The following GRIA1 variants were observed in gnomAD, a reference collection of about 807,000 sequenced individuals.
GRIA1 encodes the protein glutamate ionotropic receptor AMPA type subunit 1.
In GRIA1, 31 loss-of-function variants were observed where a neutral mutation model predicts 99.2. That is an observed-to-expected ratio of 0.31 (90% CI 0.23 to 0.42). The LOEUF (loss-of-function observed/expected upper bound fraction) is 0.42. GRIA1 is among the 10% of genes least tolerant of loss of function. The probability of loss-of-function intolerance (pLI) is 1.00; values close to 1 mark genes in which losing one functional copy is unlikely to be tolerated. For missense variants in GRIA1, 782 were observed against 1,157.5 expected (o/e 0.68, Z 4.71); for synonymous variants, 438 against 432.4 (o/e 1.01, Z -0.16).
At chr5:153,520,464 G>C (rs1757036617) in intron 2 of GRIA1, among the ~76,000 whole-genome samples, 2 of 152,134 alleles carry the variant, frequency 1.3e-5, no homozygotes, top group Non-Finnish European at 2.9e-5. Flanking sequence ...TAAGAAGAAA[G>C]GGGGATTTTG....
chr5:153,529,697 T>G (rs927642420), intron 2 of GRIA1, among the ~76,000 whole-genome samples: 2 of 152,164 alleles, frequency 1.3e-5, no homozygotes, highest in African/African-American at 2.4e-5. Context: ...TAGTAATGGT[T>G]ATAAACTCTG....
At chr5:153,657,552 G>A (rs57737622) in intron 5 of GRIA1, among the ~76,000 whole-genome samples, 2 of 152,162 alleles carry the variant, frequency 1.3e-5, no homozygotes, top group Non-Finnish European at 2.9e-5. Flanking sequence ...TTGAACAAAG[G>A]ATTAATATTT....
At chr5:153,661,563 T>C (rs1467118689) in intron 5 of GRIA1, among the ~76,000 whole-genome samples, 2 of 152,190 alleles carry the variant, frequency 1.3e-5, no homozygotes, top group African/African-American at 4.8e-5. Context: ...CCTGTTTATC[T>C]ACAAGCTCCT....
rs906427797 is a variant in GRIA1 at position 153,602,290 on chromosome 5, A to G, written c.221-44638A>G. The stretch of plus-strand genomic sequence containing the variant: ...TAAACTATCACAAGGACAAAAAACC[A>G]AACACTGCATGTTCTCACTCATAGG... On this transcript the variant is annotated intron_variant, in intron 2 of 15. Transcript: ENST00000285900. 5.9e-5 allele frequency among the ~76,000 whole-genome samples: 9 copies of G among 152,020 alleles called. 1 individual carries two copies. Among genetic ancestry groups the G allele is most frequent in the Admixed American group, 3.9e-4 (6 of 15,260 alleles).
intron 11 of GRIA1, among the ~76,000 whole-genome samples, chr5:153,741,196 G>A (rs546121074): frequency 2.6e-5 from 4 of 151,960 alleles, no homozygotes; most frequent in Admixed American, 1.3e-4. Context: ...GGATGGACTC[G>A]ATCTCCTGAC....
chr5:153,613,893 C>T (rs982049719), intron 2 of GRIA1, among the ~76,000 whole-genome samples: 1 of 152,216 alleles, frequency 6.6e-6, no homozygotes. Context: ...CGTCCCCCAT[C>T]AGCCCTTGCA....
At chr5:153,709,904 A>T (rs2149525894) in intron 11 of GRIA1, among the ~76,000 whole-genome samples, 1 of 152,272 alleles carries the variant, frequency 6.6e-6, no homozygotes, top group South Asian at 2.1e-4. Context: ...AGGAATCGAT[A>T]TTGGGGGAAT....
At chr5:153,698,755 A>G in intron 9 of GRIA1, 112 bp from the exon 10 acceptor site, 1 of 713,950 alleles carries the variant, frequency 1.4e-6, no homozygotes, top group South Asian at 1.6e-5. Context: ...TTGAGGGGCT[A>G]GAGAGCCTTC....
intron 14 of GRIA1, among the ~76,000 whole-genome samples, chr5:153,797,008 G>T (rs778384380): frequency 4.6e-5 from 7 of 152,198 alleles, no homozygotes; most frequent in Non-Finnish European, 5.9e-5. Flanking sequence ...ACACAATGAT[G>T]CTCTGCTCCG....
At chr5:153,579,842 A>G (rs1364171030) in intron 2 of GRIA1, among the ~76,000 whole-genome samples, 1 of 152,054 alleles carries the variant, frequency 6.6e-6, no homozygotes, top group African/African-American at 2.4e-5. Context: ...ACTCTGTATC[A>G]AGACCCCTCA....
At chr5:153,577,861 T>G (rs2149370858) in intron 2 of GRIA1, among the ~76,000 whole-genome samples, 1 of 152,006 alleles carries the variant, frequency 6.6e-6, no homozygotes, top group African/African-American at 2.4e-5. Context: ...AATTGTAAGA[T>G]AAAGATTCCC....
At chr5:153,724,884 G>A (rs1385844695) in intron 11 of GRIA1, among the ~76,000 whole-genome samples, 2 of 151,832 alleles carry the variant, frequency 1.3e-5, no homozygotes, top group Non-Finnish European at 2.9e-5. Flanking sequence ...TCAGATTCAG[G>A]AAATACAGAG....
chr5:153,676,292 T>C (rs1162663985), intron 6 of GRIA1, among the ~76,000 whole-genome samples: 1 of 152,236 alleles, frequency 6.6e-6, no homozygotes, highest in African/African-American at 2.4e-5. Context: ...AGGAACAAAT[T>C]AGTGAAGAAA....
chr5:153,506,369 A>G (rs1755506471), intron 2 of GRIA1, among the ~76,000 whole-genome samples: 1 of 143,630 alleles, frequency 7.0e-6, no homozygotes, highest in East Asian at 2.0e-4. Context: ...GTTCATACAT[A>G]TATTCATTCT....
chr5:153,810,913 G>A (rs1448952180), intron 15 of GRIA1, 112 bp from the exon 16 acceptor site: 2 of 760,734 alleles, frequency 2.6e-6, no homozygotes, highest in African/African-American at 1.7e-5. Flanking sequence ...AATAGGAAAG[G>A]GGGTGGATGG....
At chr5:153,654,083 TG>T (rs1383470943) in intron 4 of GRIA1, among the ~76,000 whole-genome samples, 2 of 152,204 alleles carry the variant, frequency 1.3e-5, no homozygotes. Context: ...CTATTTATTA[TG>T]GATCTCCTCT....
chr5:153,771,484 C>T (rs573070379), intron 13 of GRIA1, among the ~76,000 whole-genome samples: 24 of 152,292 alleles, frequency 1.6e-4, no homozygotes, highest in African/African-American at 5.8e-4. Context: ...GCTGGAGCTA[C>T]AATTTTGAAC....
intron 2 of GRIA1, among the ~76,000 whole-genome samples, chr5:153,591,634 G>T (rs2149386859): frequency 6.6e-6 from 1 of 152,314 alleles, no homozygotes; most frequent in South Asian, 2.1e-4. Context: ...CTAGCACCAA[G>T]AAGCACTCAA....
intron 4 of GRIA1, among the ~76,000 whole-genome samples, chr5:153,652,433 C>A (rs1490336403): frequency 6.6e-6 from 1 of 152,110 alleles, no homozygotes; most frequent in Non-Finnish European, 1.5e-5. Context: ...CAGCTTTTTT[C>A]AATTCCCCTA....
Sources: allele counts gnomAD v4.1 joint callset (sites outside exome capture counted in the v4.1 genomes callset), GRCh38; gene constraint gnomAD v4.1.1; transcripts MANE v1.5; gene names NCBI Gene and HGNC (gene_info 2026-07-23, HGNC 2026-07-21).